Variants in DCDC1 observed in about 807,000 individuals in gnomAD.
DCDC1 encodes the protein doublecortin domain containing 1, also known as doublecortin domain-containing protein 1.
In DCDC1, 200 loss-of-function variants were observed where a neutral mutation model predicts 178.3. The observed-to-expected ratio is 1.12, with a 90% CI of 1.00 to 1.26. The LOEUF is 1.26. Ranked by LOEUF, DCDC1 falls within the 50% of genes most tolerant of loss-of-function variation. DCDC1 has a pLI of 0.00. For synonymous variants in DCDC1, 690 were observed against 604.8 expected, an observed-to-expected ratio of 1.14 and a Z score of -2.07; for missense variants, 1,983 against 1,749.2, an observed-to-expected ratio of 1.13 and a Z score of -2.38.
At chr11:31,061,463 G>T (rs1955914718) in intron 20 of DCDC1, among the ~76,000 whole-genome samples, 1 of 152,054 alleles carries the variant, frequency 6.6e-6, no homozygotes, top group African/African-American at 2.4e-5. Flanking sequence ...GTGTGTGTGT[G>T]TGTGTGTTTA....
At chr11:31,301,403 C>T (rs1948106396) in intron 6 of DCDC1, among the ~76,000 whole-genome samples, 1 of 152,110 alleles carries the variant, frequency 6.6e-6, no homozygotes, top group African/African-American at 2.4e-5. Context: ...CTAAAGCAGC[C>T]ATTGGTGTAG....
At chr11:30,923,726 C>T (rs1278764331) in intron 23 of DCDC1, among the ~76,000 whole-genome samples, 2 of 151,832 alleles carry the variant, frequency 1.3e-5, no homozygotes, top group South Asian at 2.1e-4. Context: ...TCGTGATTCT[C>T]GTGCCTCAGC....
chr11:30,927,409 A>G (rs1455960393), intron 22 of DCDC1, among the ~76,000 whole-genome samples: 2 of 152,172 alleles, frequency 1.3e-5, no homozygotes, highest in African/African-American at 4.8e-5. Context: ...AAGAAAAAAG[A>G]AAAGAAGAAG....
chr11:31,184,987 T>C (rs1969296898), intron 9 of DCDC1, among the ~76,000 whole-genome samples: 1 of 152,092 alleles, frequency 6.6e-6, no homozygotes, highest in Non-Finnish European at 1.5e-5. Flanking sequence ...CTATTCACAA[T>C]AGCAAAGACT....
intron 9 of DCDC1, among the ~76,000 whole-genome samples, chr11:31,236,125 G>T (rs1442747591): frequency 6.6e-6 from 1 of 151,982 alleles, no homozygotes; most frequent in East Asian, 1.9e-4. Flanking sequence ...AATGTTCCAT[G>T]AAGATAAATA....
At chr11:31,173,099 T>A (rs1967471846) in intron 9 of DCDC1, among the ~76,000 whole-genome samples, 1 of 152,250 alleles carries the variant, frequency 6.6e-6, no homozygotes, top group Admixed American at 6.5e-5. Context: ...TATCAATGCC[T>A]GAAGGATAGA....
chr11:31,011,983 C>T (rs1239037682), intron 20 of DCDC1, among the ~76,000 whole-genome samples: 1 of 152,026 alleles, frequency 6.6e-6, no homozygotes, highest in Non-Finnish European at 1.5e-5. Context: ...TGGATTTCTC[C>T]CTTGCTGTTC....
intron 20 of DCDC1, among the ~76,000 whole-genome samples, chr11:31,043,377 T>C (rs1193051896): frequency 6.6e-6 from 1 of 152,184 alleles, no homozygotes; most frequent in African/African-American, 2.4e-5. Context: ...TGACATCATG[T>C]TCCTTCTTCA....
chr11:30,928,936 T>C (rs944758338), intron 22 of DCDC1, among the ~76,000 whole-genome samples: 7 of 151,952 alleles, frequency 4.6e-5, no homozygotes, highest in Non-Finnish European at 1.0e-4. Context: ...ATTTTTAGAC[T>C]GAAAAATAAA....
intron 1 of DCDC1, among the ~76,000 whole-genome samples, chr11:31,359,107 T>C (rs1951559471): frequency 6.6e-6 from 1 of 152,122 alleles, no homozygotes; most frequent in Non-Finnish European, 1.5e-5. Context: ...GGACTATAAA[T>C]CATGCTGCTA....
intron 9 of DCDC1, among the ~76,000 whole-genome samples, chr11:31,213,100 C>CCTCTCTCTCT (rs71060480): frequency 5.2e-4 from 23 of 44,270 alleles, no homozygotes; most frequent in South Asian, 2.2e-3. Context: ...TAAAGCCCAG[C>CCTCTCTCTCT]CTCTCTCTCT....
intron 1 of DCDC1, among the ~76,000 whole-genome samples, chr11:31,357,209 T>A: frequency 6.6e-6 from 1 of 151,994 alleles, no homozygotes; most frequent in Non-Finnish European, 1.5e-5. Context: ...GCAAACTGAA[T>A]CCAGCAGCAC....
At chr11:31,202,978 TA>T (rs1165960735) in intron 9 of DCDC1, among the ~76,000 whole-genome samples, 1 of 152,044 alleles carries the variant, frequency 6.6e-6, no homozygotes, top group Non-Finnish European at 1.5e-5. Context: ...CAACGTGCAT[TA>T]AAAGGCTGGG....
At chr11:31,173,006 T>C (rs1463196225) in intron 9 of DCDC1, among the ~76,000 whole-genome samples, 3 of 152,176 alleles carry the variant, frequency 2.0e-5, no homozygotes, top group Non-Finnish European at 4.4e-5. Flanking sequence ...TCATAAGAGC[T>C]GAAAGAGACC....
At chr11:31,275,810 T>G (rs191152741) in intron 7 of DCDC1, among the ~76,000 whole-genome samples, 1 of 152,300 alleles carries the variant, frequency 6.6e-6, no homozygotes, top group African/African-American at 2.4e-5. Context: ...GTGTCTAAAT[T>G]ACCTATTGTA....
At position 30,937,112 on chromosome 11, in the gene DCDC1, T is replaced by C. The variant is rs940391601; in HGVS notation, c.2716-5160A>G. On this transcript the variant is annotated intron_variant, in intron 21 of 38. Transcript: ENST00000684477. ...AAACCCAACCTCACAACTACGTTTTTACCCAGGAGGTTAGTTCTTGCTTCA... is the reference window on the plus strand; with the variant it reads ...AAACCCAACCTCACAACTACGTTTTCACCCAGGAGGTTAGTTCTTGCTTCA... Among the ~76,000 whole-genome samples, 17 of 152,284 alleles carry C rather than the reference T, an allele frequency of 1.1e-4. No homozygotes were observed. The South Asian group carries it at 2.9e-3, about 26-fold the overall frequency.
intron 9 of DCDC1, among the ~76,000 whole-genome samples, chr11:31,160,314 C>T (rs951928456): frequency 3.9e-5 from 6 of 152,100 alleles, no homozygotes; most frequent in African/African-American, 1.4e-4. Flanking sequence ...CACCTCATGG[C>T]TTACTAAGTT....
chr11:30,953,096 G>C (rs1948531277), intron 20 of DCDC1, among the ~76,000 whole-genome samples: 2 of 151,310 alleles, frequency 1.3e-5, no homozygotes, highest in South Asian at 4.2e-4. Flanking sequence ...AACAATTCAT[G>C]GAATATTTGT....
chr11:31,018,335 CGTT>C (rs1391630319), intron 20 of DCDC1, among the ~76,000 whole-genome samples: 6 of 152,206 alleles, frequency 3.9e-5, no homozygotes, highest in African/African-American at 1.4e-4. Context: ...AGCTAGAAAA[CGTT>C]GTCATGTTTT....
Sources: gnomAD v4.1 joint callset for allele counts (sites outside exome capture counted in the v4.1 genomes callset) on GRCh38, gnomAD v4.1.1 for gene constraint, MANE v1.5 for transcripts, NCBI Gene and HGNC (gene_info 2026-07-23, HGNC 2026-07-21) for gene names.